Variants in ADAM2 observed in about 807,000 individuals in gnomAD.
ADAM2 encodes ADAM metallopeptidase domain 2.
Under a neutral mutation model 99.3 loss-of-function variants are expected in ADAM2, and 101 were observed. The ratio of observed to expected loss-of-function variants is 1.02; its 90% CI spans 0.87 to 1.20. The LOEUF is 1.20. Among genes scored for constraint, ADAM2 ranks in the 50% most tolerant of loss-of-function variants. The probability of loss-of-function intolerance (pLI) is 0.00; values close to 1 mark genes in which losing one functional copy is unlikely to be tolerated. For synonymous variants in ADAM2, 323 were observed against 287.6 expected (o/e 1.12, Z -1.25); for missense variants, 948 against 878.7 (o/e 1.08, Z -1.00).
chr8:39,767,323 A>G (rs1802611810), intron 12 of ADAM2, 72 bp from the exon 13 acceptor site: 7 of 1,278,614 alleles, frequency 5.5e-6, no homozygotes, highest in Admixed American at 2.1e-5. Flanking sequence ...GTTCATAAAG[A>G]CAACATATTA....
rs1418710080 is a variant in ADAM2 at position 39,767,051 on chromosome 8, G to C, written c.1312-8C>G. The stretch of plus-strand genomic sequence containing the variant: ...TCTTTCTTTTGACATAAACTGATGG[G>C]ATGAGGTAAATGATATTGAATTAAG... On this transcript the variant is annotated splice_region_variant and splice_polypyrimidine_tract_variant and intron_variant, in intron 13 of 20. Coordinates refer to ENST00000265708, the MANE Select transcript of ADAM2 (RefSeq NM_001464.5). The C allele has an allele frequency of 1.9e-6, 3 of 1,612,076 alleles. No individual in the cohort carries two copies. Among genetic ancestry groups the C allele is most frequent in the Non-Finnish European group, 2.5e-6 (3 of 1,178,386 alleles).
chr8:39,746,835 T>C (rs1487954340), intron 18 of ADAM2, among the ~76,000 whole-genome samples: 2 of 152,160 alleles, frequency 1.3e-5, no homozygotes, highest in Non-Finnish European at 2.9e-5. Context: ...GATAGCTATA[T>C]ATGGTGGGCT....
At chr8:39,761,773 T>A (rs1472936824) in intron 14 of ADAM2, among the ~76,000 whole-genome samples, 2 of 152,158 alleles carry the variant, frequency 1.3e-5, no homozygotes, top group African/African-American at 2.4e-5. Context: ...CTGTATAATT[T>A]TAATTCTCAT....
intron 10 of ADAM2, among the ~76,000 whole-genome samples, chr8:39,786,411 A>T (rs985844517): frequency 1.3e-5 from 2 of 152,126 alleles, no homozygotes; most frequent in Non-Finnish European, 2.9e-5. Context: ...TTATACAAAC[A>T]CTCACACAAC....
At chr8:39,763,924 A>G (rs929287629) in intron 14 of ADAM2, among the ~76,000 whole-genome samples, 4 of 152,236 alleles carry the variant, frequency 2.6e-5, no homozygotes, top group African/African-American at 9.6e-5. Flanking sequence ...GGAGAGTTAG[A>G]TGACTATGTG....
chr8:39,785,827 AAAAT>A (rs1399030454), intron 10 of ADAM2, among the ~76,000 whole-genome samples: 2 of 152,016 alleles, frequency 1.3e-5, no homozygotes. Flanking sequence ...AGACAGAAAG[AAAAT>A]AAATCATTCT....
rs528482021 is a variant in ADAM2 at position 39,788,758 on chromosome 8, AT to A, written c.571-19del. The A allele has an allele frequency of 4.0e-5, 53 of 1,315,078 alleles. 1 individual carries two copies. The East Asian group carries it at 1.3e-3, about 32-fold the overall frequency. The allele number at this position is 1,315,078 out of a possible 1,614,324, so 81.5% of individuals were successfully genotyped here. On this transcript the variant is annotated intron_variant, in intron 7 of 20. Coordinates refer to ENST00000265708, the MANE Select transcript of ADAM2 (RefSeq NM_001464.5). ...TGATTATACTGTAAAATATTATTAC[AT>A]TTTAGATATAAATATATATTGCTTA...
intron 10 of ADAM2, among the ~76,000 whole-genome samples, chr8:39,780,504 A>G (rs1803172239): frequency 6.6e-6 from 1 of 152,204 alleles, no homozygotes; most frequent in Admixed American, 6.5e-5. Context: ...TTTCTACCAG[A>G]CAAAAATCTG....
chr8:39,750,379 AC>A (rs1490668773), intron 16 of ADAM2, among the ~76,000 whole-genome samples: 1 of 152,098 alleles, frequency 6.6e-6, no homozygotes, highest in Non-Finnish European at 1.5e-5. Flanking sequence ...AGAGAAACAG[AC>A]AAAAAACTCG....
intron 10 of ADAM2, among the ~76,000 whole-genome samples, chr8:39,785,276 C>T (rs187799465): frequency 5.8e-4 from 89 of 152,194 alleles, no homozygotes; most frequent in African/African-American, 1.9e-3. Flanking sequence ...TATGGCTAAC[C>T]AGCTAATCAT....
chr8:39,764,707 A>T (rs983662558), intron 14 of ADAM2, among the ~76,000 whole-genome samples: 2 of 152,098 alleles, frequency 1.3e-5, no homozygotes, highest in Admixed American at 1.3e-4. Context: ...GTAACAATGT[A>T]ACTGGATCTA....
chr8:39,756,229 C>G (rs1802147749), intron 15 of ADAM2, among the ~76,000 whole-genome samples: 1 of 152,176 alleles, frequency 6.6e-6, no homozygotes, highest in Non-Finnish European at 1.5e-5. Context: ...GATTCCTTCA[C>G]TTTCCTTTGA....
chr8:39,808,557 A>G (rs1365407522), intron 7 of ADAM2, among the ~76,000 whole-genome samples: 1 of 152,150 alleles, frequency 6.6e-6, no homozygotes, highest in East Asian at 1.9e-4. Flanking sequence ...CTTTTTGCAG[A>G]AATGGATAAG....
At chr8:39,801,654 C>A (rs1804216788) in intron 7 of ADAM2, among the ~76,000 whole-genome samples, 1 of 152,136 alleles carries the variant, frequency 6.6e-6, no homozygotes, top group Non-Finnish European at 1.5e-5. Context: ...ACTGGGGCCG[C>A]CCCTCCCCCT....
chr8:39,831,251 TCTAAA>T (rs79733124), intron 3 of ADAM2, among the ~76,000 whole-genome samples: 42,408 of 151,730 alleles, frequency 0.28, 5,992 homozygotes, highest in Non-Finnish European at 0.3. Context: ...AAATGAAAAC[TCTAAA>T]CTATATCTCA....
At chr8:39,796,582 G>A (rs1803962012) in intron 7 of ADAM2, among the ~76,000 whole-genome samples, 1 of 152,130 alleles carries the variant, frequency 6.6e-6, no homozygotes, top group Non-Finnish European at 1.5e-5. Flanking sequence ...GGGCCAAATG[G>A]TATTTTGGGT....
intron 7 of ADAM2, among the ~76,000 whole-genome samples, chr8:39,791,806 A>G (rs1019205387): frequency 6.6e-6 from 1 of 151,936 alleles, no homozygotes; most frequent in African/African-American, 2.4e-5. Context: ...CTTGTTTCTT[A>G]TCTTATATGC....
At chr8:39,766,595 A>G (rs1254632528) in intron 14 of ADAM2, among the ~76,000 whole-genome samples, 1 of 151,960 alleles carries the variant, frequency 6.6e-6, no homozygotes, top group African/African-American at 2.4e-5. Flanking sequence ...TTTAGTAGAG[A>G]CAGGTTTTTG....
chr8:39,783,158 C>T (rs1803303340), intron 10 of ADAM2, among the ~76,000 whole-genome samples: 1 of 152,106 alleles, frequency 6.6e-6, no homozygotes, highest in Non-Finnish European at 1.5e-5. Flanking sequence ...AGTTGGTTCT[C>T]ATTTAAATCC....
Sources: allele counts gnomAD v4.1 joint callset (sites outside exome capture counted in the v4.1 genomes callset), GRCh38; gene constraint gnomAD v4.1.1; transcripts MANE v1.5; gene names NCBI Gene and HGNC (gene_info 2026-07-23, HGNC 2026-07-21).